Variants in GNAS observed in about 807,000 individuals in gnomAD.
The protein encoded by GNAS is protein ALEX.
In GNAS, 8 loss-of-function variants were observed where a neutral mutation model predicts 54.5. The ratio of observed to expected loss-of-function variants is 0.15; its 90% confidence interval spans 0.09 to 0.26. GNAS has a LOEUF of 0.26. GNAS is among the 10% of genes least tolerant of loss of function. The pLI, the probability that GNAS is intolerant of heterozygous loss-of-function variation, is 1.00. For missense variants in GNAS, 170 were observed against 529.8 expected, an observed-to-expected ratio of 0.32 and a Z score of 6.67; for synonymous variants, 204 against 191.4, an observed-to-expected ratio of 1.07 and a Z score of -0.54.
At chr20:58,862,939 A>G (rs2086853050) in intron 1 of GNAS, among the ~76,000 whole-genome samples, 1 of 148,950 alleles carries the variant, frequency 6.7e-6, no homozygotes, top group Admixed American at 6.8e-5. Flanking sequence ...CTGAGCTTGG[A>G]TTGTTCTATG....
chr20:58,887,055 G>A (rs1282406047), upstream of GNAS, among the ~76,000 whole-genome samples: 2 of 152,146 alleles, frequency 1.3e-5, no homozygotes, highest in African/African-American at 4.8e-5. Context: ...TATGACATGG[G>A]GCAGTTTCAC....
At chr20:58,854,989 A>G in intron 1 of GNAS, 1 of 1,612,476 alleles carries the variant, frequency 6.2e-7, no homozygotes, top group Non-Finnish European at 8.5e-7. Flanking sequence ...AGCGACGATG[A>G]CTCCAGCGGA....
chr20:58,908,719 C>T (rs1048431838), intron 6 of GNAS, among the ~76,000 whole-genome samples: 1 of 151,862 alleles, frequency 6.6e-6, no homozygotes, highest in Non-Finnish European at 1.5e-5. Flanking sequence ...GTTTTGGGGT[C>T]CTTTCTCTAC....
At chr20:58,895,835 C>T (rs2089993364) in intron 2 of GNAS, 151 bp downstream of exon 2, 1 of 663,406 alleles carries the variant, frequency 1.5e-6, no homozygotes, top group Non-Finnish European at 2.8e-6. Flanking sequence ...GGGAAGGGCT[C>T]TTTAGGGTCC....
At chr20:58,906,081 G>GGTAA in intron 6 of GNAS, among the ~76,000 whole-genome samples, 1 of 152,168 alleles carries the variant, frequency 6.6e-6, no homozygotes, top group East Asian at 1.9e-4. Context: ...ATTCAAGGAT[G>GGTAA]GTAAGTGGTC....
chr20:58,843,464 C>A lies in GNAS; in HGVS notation c.43+2578C>A. 1.3e-5 allele frequency: 2 copies of A among 152,440 alleles called. 1 individual carries two copies. Among genetic ancestry groups the A allele is most frequent in the Non-Finnish European group, 2.9e-5 (2 of 68,140 alleles). The allele number at this position is 152,440 out of a possible 1,614,324, so 9.4% of individuals were successfully genotyped here. A position where few individuals can be genotyped will look rare whatever the true frequency, so the allele number is the denominator to read the frequency against. On this transcript the variant is annotated intron_variant, in intron 1 of 12. Transcript: ENST00000306090. ...AACTTCCCCAAGCATTCCCAACTCA[C>A]TAGTCTCCCAGCTGGCCCTTTGCCC...
At chr20:58,889,914 G>A (rs1297104303), upstream of GNAS, among the ~76,000 whole-genome samples, 3 of 151,748 alleles carry the variant, frequency 2.0e-5, no homozygotes, top group African/African-American at 4.8e-5. Flanking sequence ...CAAAGCCCGG[G>A]CGGCGGAGAG....
intron 1 of GNAS, among the ~76,000 whole-genome samples, chr20:58,859,628 C>CTT (rs527301154): frequency 1.2e-4 from 16 of 138,824 alleles, no homozygotes; most frequent in Non-Finnish European, 1.4e-4. Context: ...ATATCAGACA[C>CTT]TTTTTTTTTT....
chr20:58,892,547 C>T (rs1232159107), intron 1 of GNAS: 1 of 54,964 alleles, frequency 1.8e-5, no homozygotes, highest in South Asian at 5.9e-4. Flanking sequence ...GCAAGGGAGT[C>T]GTGGCGCCGG....
chr20:58,878,912 T>TGGGGG (rs11086659), intron 1 of GNAS, among the ~76,000 whole-genome samples: 33 of 95,258 alleles, frequency 3.5e-4, no homozygotes, highest in Admixed American at 4.5e-4. Flanking sequence ...GGGGTGCGGG[T>TGGGGG]GGGGGGGGGA....
chr20:58,885,222 C>A (rs1021021860), intron 1 of GNAS, among the ~76,000 whole-genome samples: 2 of 152,146 alleles, frequency 1.3e-5, no homozygotes, highest in Non-Finnish European at 2.9e-5. Flanking sequence ...TCCACAGAGA[C>A]CAGGAAGCCT....
chr20:58,845,577 T>A (rs554867750), intron 1 of GNAS, among the ~76,000 whole-genome samples: 2 of 152,232 alleles, frequency 1.3e-5, no homozygotes, highest in East Asian at 3.9e-4. Context: ...TTAAGTGATG[T>A]AGCACCCATT....
chr20:58,900,338 C>T (rs561664676), intron 3 of GNAS: 3 of 264,044 alleles, frequency 1.1e-5, no homozygotes, highest in African/African-American at 2.2e-5. Flanking sequence ...GCACGTCTCT[C>T]TCACTCTGTT....
At chr20:58,855,375 G>T (rs765920537) in intron 1 of GNAS, 6 of 1,539,254 alleles carry the variant, frequency 3.9e-6, no homozygotes, top group Non-Finnish European at 3.5e-6. Context: ...GGGCCGCCGG[G>T]GAACCGGGGA....
intron 1 of GNAS, chr20:58,867,577 A>C (rs2087137189): frequency 6.6e-6 from 1 of 152,290 alleles, no homozygotes; most frequent in Non-Finnish European, 1.5e-5. Context: ...AGGGTCCTAG[A>C]ATAGTACAAA....
In GNAS at chr20:58,905,440, G is replaced by A. The variant is rs1422801076; in HGVS notation, c.490G>A (p.Glu164Lys). Reference sequence around the variant, plus strand: ...GGATGAAGGAGTGCGTGCCTGCTACGAACGCTCCAACGAGTACCAGCTGAT... The same window carrying A: ...GGATGAAGGAGTGCGTGCCTGCTACAAACGCTCCAACGAGTACCAGCTGAT... ...WEDEGVRACY[E>K]RSNEYQLIDC... Residue 164 changes from glutamate to lysine, a missense_variant, in exon 6 of 13, where the codon GAA becomes AAA. Physicochemically the swap from Glu to Lys is moderately conservative, Grantham distance 56. This residue lies in a region of GNAS where 78 missense variants were observed against 251.1 expected (regional missense o/e 0.31). Coordinates refer to ENST00000371085, the MANE Select transcript of GNAS (RefSeq NM_000516.7). 1 of 1,609,484 alleles carries A rather than the reference G, an allele frequency of 6.2e-7. No homozygotes were observed. Among genetic ancestry groups the A allele is most frequent in the Non-Finnish European group, 8.5e-7 (1 of 1,175,748 alleles).
chr20:58,902,359 A>C (rs1167025399), intron 3 of GNAS, among the ~76,000 whole-genome samples: 1 of 152,230 alleles, frequency 6.6e-6, no homozygotes, highest in African/African-American at 2.4e-5. Flanking sequence ...AATGAAGGCT[A>C]GTTTCTGAAA....
chr20:58,897,624 C>T (rs1357726215), intron 2 of GNAS: 1 of 152,142 alleles, frequency 6.6e-6, no homozygotes, highest in East Asian at 1.9e-4. Context: ...CAGCCTGTAA[C>T]ACCAGGCAAG....
In GNAS at chr20:58,859,765, T is replaced by A. The variant is rs537876807; in HGVS notation, c.43+18879T>A. 3.3e-5 allele frequency among the ~76,000 whole-genome samples: 5 copies of A among 152,052 alleles called. No individual in the cohort carries two copies. In the East Asian group the frequency reaches 9.8e-4, roughly 30 times the overall value. On this transcript the variant is annotated intron_variant, in intron 1 of 12. Coordinates refer to the GNAS transcript ENST00000306090. The stretch of plus-strand genomic sequence containing the variant: ...CCTCAGCCTCCTGAGTAGCTAGGAT[T>A]ACAGGTGCATGCACCATGCCCGGCT...
Sources: allele counts gnomAD v4.1 joint callset (sites outside exome capture counted in the v4.1 genomes callset), GRCh38; gene constraint gnomAD v4.1.1; regional missense constraint gnomAD v4.1.1; transcripts MANE v1.5; gene names NCBI Gene and HGNC (gene_info 2026-07-23, HGNC 2026-07-21).